The following CEP192 variants were observed in gnomAD, a reference collection of about 807,000 sequenced individuals.
CEP192 encodes centrosomal protein of 192 kDa.
Under a neutral mutation model 271.8 loss-of-function variants are expected in CEP192, and 151 were observed. The ratio of observed to expected loss-of-function variants is 0.56; its 90% CI spans 0.49 to 0.64. The LOEUF (loss-of-function observed/expected upper bound fraction) is 0.64, where lower values mean the gene tolerates loss of function less well. Ranked by LOEUF, CEP192 falls within the 30% of genes least tolerant of loss-of-function variation. The probability of loss-of-function intolerance (pLI) is 0.00; values close to 1 mark genes in which losing one functional copy is unlikely to be tolerated. For synonymous variants in CEP192, 995 were observed against 1,076.5 expected, an observed-to-expected ratio of 0.92 and a Z score of 1.48; for missense variants, 2,910 against 3,020.5, an observed-to-expected ratio of 0.96 and a Z score of 0.86.
chr18:13,041,947 T>A (rs2036231339), intron 14 of CEP192, among the ~76,000 whole-genome samples: 1 of 152,234 alleles, frequency 6.6e-6, no homozygotes, highest in African/African-American at 2.4e-5. Context: ...AGTTTATGTG[T>A]GTATTTGCAA....
chr18:13,056,664 T>G lies in CEP192; in HGVS notation c.4074T>G (p.Ile1358Met). ...PVPSVGTNCG[I>M]EPWDSGVTSG... ...CGTCTGTTGGTACAAACTGTGGAATTGAACCATGGGATTCAGGAGTGACAT... is the reference window on the plus strand; with the variant it reads ...CGTCTGTTGGTACAAACTGTGGAATGGAACCATGGGATTCAGGAGTGACAT... Residue 1358 changes from isoleucine to methionine, a missense_variant, in exon 19 of 45, where the codon ATT becomes ATG. By Grantham distance (10) the Ile-to-Met change is conservative. Coordinates refer to ENST00000506447, the MANE Select transcript of CEP192 (RefSeq NM_032142.4). 2 of 1,611,026 alleles carry G rather than the reference T, an allele frequency of 1.2e-6. No homozygotes were observed. Among genetic ancestry groups the G allele is most frequent in the Non-Finnish European group, 8.5e-7 (1 of 1,178,694 alleles).
rs78679519 is a variant in CEP192, at chr18:13,044,262, A to G, written c.2067+1928A>G. ...TTTGTCATCTGAGAATAAAAGTTTTATTTCTTCATTTTTAATTTTTATACC... is the reference window on the plus strand; with the variant it reads ...TTTGTCATCTGAGAATAAAAGTTTTGTTTCTTCATTTTTAATTTTTATACC... On this transcript the variant is annotated intron_variant, in intron 15 of 44. Transcript: ENST00000506447. 1.3e-3 allele frequency among the ~76,000 whole-genome samples: 202 copies of G among 152,102 alleles called. 6 individuals are homozygous for G. In the East Asian group the frequency reaches 0.034, roughly 25 times the overall value.
intron 5 of CEP192, among the ~76,000 whole-genome samples, chr18:13,013,778 T>C (rs1180335271): frequency 6.6e-6 from 1 of 152,234 alleles, no homozygotes; most frequent in Non-Finnish European, 1.5e-5. Context: ...GTCATGAATT[T>C]ATGAGACTTA....
chr18:13,101,876 A>C (rs1401703839), intron 38 of CEP192, among the ~76,000 whole-genome samples: 2 of 151,446 alleles, frequency 1.3e-5, no homozygotes, highest in Non-Finnish European at 1.5e-5. Context: ...TCCTCTTGTC[A>C]CTTCTGGACT....
chr18:12,997,968 G>A (rs1457599820), intron 1 of CEP192, among the ~76,000 whole-genome samples: 9 of 151,934 alleles, frequency 5.9e-5, no homozygotes, highest in Admixed American at 1.3e-4. Flanking sequence ...CAAGTGATTC[G>A]CCTGCCTCAG....
chr18:13,000,295 T>G (rs1352724776), intron 2 of CEP192: 1 of 151,984 alleles, frequency 6.6e-6, no homozygotes, highest in Non-Finnish European at 1.5e-5. Flanking sequence ...TTATTTGCTT[T>G]TCTGTTCATT....
At chr18:13,000,103 T>C (rs1422511693) in intron 2 of CEP192, among the ~76,000 whole-genome samples, 16,533 of 139,128 alleles carry the variant, frequency 0.12, 2,302 homozygotes, top group African/African-American at 0.24. Flanking sequence ...TTTTTTTTTT[T>C]TTTTTTTTTT....
Position 13,073,112 on chromosome 18 carries a change from G to T in CEP192, c.5543G>T (p.Arg1848Leu). 6.2e-7 allele frequency: 1 copy of T among 1,613,798 alleles called. No homozygotes were observed. The highest frequency in any genetic ancestry group is 8.5e-7 in the Non-Finnish European group (1 of 1,179,902). The change falls in exon 30 of 45, where the codon CGA (arginine) becomes CTA (leucine). Residue 1848 changes from arginine (R) to leucine (L), a missense_variant. By Grantham distance (102) the Arg-to-Leu change is moderately radical. Transcript: ENST00000506447. ...ATCTCTGTATTATTTGCACCTACTC[G>T]ATTATCTTGCATGTTGGCTAGACTA... ...IFISVLFAPT[R>L]LSCMLARLEI... is the part of the protein sequence containing the mutation.
At chr18:13,040,202 C>T (rs1598428637) in intron 13 of CEP192, among the ~76,000 whole-genome samples, 2 of 152,018 alleles carry the variant, frequency 1.3e-5, no homozygotes, top group Non-Finnish European at 2.9e-5. Flanking sequence ...TAAGTGATGA[C>T]GTTTTATTTG....
intron 44 of CEP192, among the ~76,000 whole-genome samples, chr18:13,120,168 G>A (rs1035692050): frequency 1.3e-5 from 2 of 152,182 alleles, no homozygotes; most frequent in African/African-American, 2.4e-5. Flanking sequence ...CATCACAATA[G>A]TGCTACAGAT....
At chr18:13,084,507 C>G (rs1013078365) in intron 30 of CEP192, among the ~76,000 whole-genome samples, 3 of 152,134 alleles carry the variant, frequency 2.0e-5, no homozygotes, top group Non-Finnish European at 4.4e-5. Context: ...GGGATTGTCC[C>G]GATTTTCCAG....
chr18:13,004,904 T>C (rs1363059290), intron 3 of CEP192, among the ~76,000 whole-genome samples: 1 of 152,072 alleles, frequency 6.6e-6, no homozygotes, highest in Non-Finnish European at 1.5e-5. Context: ...GGATGTAAGA[T>C]TGGCCATGTA....
At chr18:13,082,737 C>A (rs958222719) in intron 30 of CEP192, among the ~76,000 whole-genome samples, 7 of 152,098 alleles carry the variant, frequency 4.6e-5, no homozygotes, top group African/African-American at 1.7e-4. Flanking sequence ...TACAATTTGG[C>A]ATGTTTTTGC....
chr18:13,047,029 C>G (rs1015667280), intron 15 of CEP192, among the ~76,000 whole-genome samples: 1 of 151,862 alleles, frequency 6.6e-6, no homozygotes, highest in Non-Finnish European at 1.5e-5. Context: ...TGTTATTTTT[C>G]TCTTTGGTTT....
At position 13,013,034 on chromosome 18, in the gene CEP192, T is replaced by G. The variant is rs2034451035; in HGVS notation, c.519+9T>G. 7.2e-7 allele frequency: 1 copy of G among 1,384,638 alleles called. No homozygotes were observed. Among genetic ancestry groups the G allele is most frequent in the Non-Finnish European group, 1.0e-6 (1 of 998,858 alleles). The allele number at this position is 1,384,638 out of a possible 1,614,324, so 85.8% of individuals were successfully genotyped here. On this transcript the variant is annotated intron_variant, in intron 5 of 44. Coordinates refer to ENST00000506447, the MANE Select transcript of CEP192 (RefSeq NM_032142.4). The stretch of plus-strand genomic sequence containing the variant: ...ATAATAAGGAACCCAAGGTAACCTT[T>G]TATATATTTGGTATCATTTTCTGGA...
chr18:13,124,721 G>A lies in CEP192; in HGVS notation c.7565G>A (p.Gly2522Asp). ...TTGCTTGTCATTCAAACAGATGAAG[G>A]CAAGAGTATTGCTATTCGACTAATT... ...EALLVIQTDEGKSIAIRLIGE... is the reference protein window; with the variant it reads ...EALLVIQTDEDKSIAIRLIGE... The change falls in exon 45 of 45, where the codon GGC becomes GAC. Residue 2522 changes from glycine (G) to aspartate (D), a missense_variant. Transcript: ENST00000506447. The A allele has an allele frequency of 6.2e-7, 1 of 1,613,818 alleles. No homozygotes were observed. Among genetic ancestry groups the A allele is most frequent in the Non-Finnish European group, 8.5e-7 (1 of 1,179,794 alleles).
chr18:13,085,050 C>T (rs1222007970), intron 30 of CEP192, among the ~76,000 whole-genome samples: 1 of 151,398 alleles, frequency 6.6e-6, no homozygotes, highest in Non-Finnish European at 1.5e-5. Flanking sequence ...TGGTCTTGAT[C>T]TCCTGATCTC....
chr18:13,056,490 A>T lies in CEP192; in HGVS notation c.3900A>T (p.Ala1300=), dbSNP rs772144932. The part of the protein sequence containing the change: ...FSGGLPYPAV[A]GEPVQNSVAV... ...GAGGCCTTCCCTATCCAGCTGTTGC[A>T]GGAGAGCCTGTGCAGAACTCTGTGG... Residue 1300 remains alanine (A), a synonymous_variant, in exon 19 of 45, where the codon GCA becomes GCT. Coordinates refer to ENST00000506447, the MANE Select transcript of CEP192 (RefSeq NM_032142.4). 6.2e-7 allele frequency: 1 copy of T among 1,614,206 alleles called. No individual in the cohort carries two copies. Among genetic ancestry groups the T allele is most frequent in the Non-Finnish European group, 8.5e-7 (1 of 1,180,012 alleles).
rs190359507 is a variant in CEP192 at position 13,013,391 on chromosome 18, C to T, written c.519+366C>T. The stretch of plus-strand genomic sequence containing the variant: ...GTGCCTGAGTGTCTGGAATGGTTCT[C>T]GGCCCTTAGTTGTCACTTAATAATT... On this transcript the variant is annotated intron_variant, in intron 5 of 44. Coordinates refer to ENST00000506447, the MANE Select transcript of CEP192 (RefSeq NM_032142.4). Among the ~76,000 whole-genome samples the T allele has an allele frequency of 5.3e-4, 80 of 152,200 alleles. 1 individual carries two copies. The highest frequency in any genetic ancestry group is 1.3e-3 in the Admixed American group (20 of 15,286).
Sources: gnomAD v4.1 joint callset for allele counts (sites outside exome capture counted in the v4.1 genomes callset) on GRCh38, gnomAD v4.1.1 for gene constraint, MANE v1.5 for transcripts, NCBI Gene and HGNC (gene_info 2026-07-23, HGNC 2026-07-21) for gene names.